SLC22A16: variants seen among roughly 807,000 people sequenced by gnomAD.
SLC22A16 encodes the protein WUGSC:RG331P03.1.
Under a neutral mutation model 52.9 loss-of-function variants are expected in SLC22A16, and 53 were observed. The ratio of observed to expected loss-of-function variants is 1.00; its 90% CI spans 0.80 to 1.26. The LOEUF is 1.26. Among genes scored for constraint, SLC22A16 ranks in the 50% most tolerant of loss-of-function variants. The pLI, the probability that SLC22A16 is intolerant of heterozygous loss-of-function variation, is 0.00. For synonymous variants in SLC22A16, 291 were observed against 268.8 expected, an observed-to-expected ratio of 1.08 and a Z score of -0.81; for missense variants, 726 against 704.0, an observed-to-expected ratio of 1.03 and a Z score of -0.35.
intron 1 of SLC22A16, among the ~76,000 whole-genome samples, chr6:110,473,656 C>G (rs542010050): frequency 3.3e-5 from 5 of 150,654 alleles, no homozygotes; most frequent in Non-Finnish European, 5.9e-5. Flanking sequence ...TCCCAAGTAG[C>G]TGGGACCACA....
rs375449435 is a variant in SLC22A16 at position 110,469,295 on chromosome 6, G to A, written c.53+7227C>T. Among the ~76,000 whole-genome samples the A allele has an allele frequency of 2.0e-5, 3 of 152,296 alleles. No individual in the cohort carries two copies. In the East Asian group the frequency reaches 5.8e-4, roughly 29 times the overall value. On this transcript the variant is annotated intron_variant, in intron 1 of 7. Coordinates refer to ENST00000368919, the MANE Select transcript of SLC22A16 (RefSeq NM_033125.4). Reference sequence around the variant, plus strand: ...TATAATCCCAGCACTTTGGGATGCTGAGGCGGATCACTTGAGGTCAGGAGT... The same window carrying A: ...TATAATCCCAGCACTTTGGGATGCTAAGGCGGATCACTTGAGGTCAGGAGT...
intron 1 of SLC22A16, among the ~76,000 whole-genome samples, chr6:110,474,298 A>T (rs1388241583): frequency 6.6e-6 from 1 of 152,098 alleles, no homozygotes; most frequent in East Asian, 1.9e-4. Flanking sequence ...CCCTGGTGCT[A>T]AAAAGGTTGG....
In SLC22A16 at chr6:110,456,792, A is replaced by G; in HGVS notation, c.279T>C (p.Gly93=). 1 of 1,614,208 alleles carries G rather than the reference A, an allele frequency of 6.2e-7. No individual in the cohort carries two copies. The highest frequency in any genetic ancestry group is 2.2e-5 in the East Asian group (1 of 44,884). The change falls in exon 2 of 8, where the codon GGT becomes GGC. Residue 93 remains glycine, a synonymous_variant. Transcript: ENST00000368919. ...TACACCTTGAGAGCTCCCAGATCTCACCATTCTGCAACTGCACCGTAACAT... is the reference window on the plus strand; with the variant it reads ...TACACCTTGAGAGCTCCCAGATCTCGCCATTCTGCAACTGCACCGTAACAT... ...KDYVTVQLQN[G]EIWELSRCSR...
chr6:110,475,074 A>G (rs945714901), intron 1 of SLC22A16: 3 of 478,738 alleles, frequency 6.3e-6, no homozygotes, highest in Non-Finnish European at 4.2e-6. Context: ...TCAAGACCGT[A>G]TAGTTAATGT....
At chr6:110,456,466 T>C in intron 2 of SLC22A16, 72 bp downstream of exon 2, 1 of 1,535,368 alleles carries the variant, frequency 6.5e-7, no homozygotes. Context: ...ACATAATTCC[T>C]TGTGTCCCAA....
At chr6:110,454,630 T>TATATTATATATTTTATATATAATATATA (rs1775523004) in intron 2 of SLC22A16, among the ~76,000 whole-genome samples, 1 of 47,402 alleles carries the variant, frequency 2.1e-5, no homozygotes, top group African/African-American at 1.2e-4. Context: ...TAATATATAT[T>TATATTATATATTTTATATATAATATATA]TATATATATT....
intron 1 of SLC22A16, among the ~76,000 whole-genome samples, chr6:110,465,538 T>C (rs1478157007): frequency 6.6e-6 from 1 of 152,014 alleles, no homozygotes; most frequent in Non-Finnish European, 1.5e-5. Flanking sequence ...TCCCATTTAT[T>C]ATAGCCACAC....
intron 7 of SLC22A16, among the ~76,000 whole-genome samples, chr6:110,428,725 G>C (rs1367453835): frequency 6.6e-6 from 1 of 152,216 alleles, no homozygotes; most frequent in Non-Finnish European, 1.5e-5. Flanking sequence ...AGACCAGCTT[G>C]GCCAACATAG....
At chr6:110,466,046 C>A (rs539621727) in intron 1 of SLC22A16, among the ~76,000 whole-genome samples, 8 of 152,266 alleles carry the variant, frequency 5.3e-5, no homozygotes, top group African/African-American at 1.9e-4. Flanking sequence ...AAAGGACTCT[C>A]TATTCAATAA....
intron 7 of SLC22A16, chr6:110,425,299 A>T (rs1308703643): frequency 6.7e-7 from 1 of 1,489,836 alleles, no homozygotes; most frequent in Non-Finnish European, 9.0e-7. Context: ...TCACTCATTC[A>T]TTCCTTCATG....
At chr6:110,474,991 A>T (rs1776409366) in intron 1 of SLC22A16, 1 of 518,882 alleles carries the variant, frequency 1.9e-6, no homozygotes, top group African/African-American at 1.9e-5. Context: ...ACACATTTTC[A>T]CTACTCCTAT....
intron 1 of SLC22A16, among the ~76,000 whole-genome samples, chr6:110,466,940 G>C (rs978014548): frequency 6.6e-6 from 1 of 151,890 alleles, no homozygotes; most frequent in Admixed American, 6.6e-5. Flanking sequence ...TAGATAGATA[G>C]ATAGATAGAT....
intron 5 of SLC22A16, 142 bp downstream of exon 5, chr6:110,438,578 A>G: frequency 3.7e-6 from 3 of 814,846 alleles, no homozygotes; most frequent in Non-Finnish European, 5.1e-6. Flanking sequence ...AGAATGTTTT[A>G]AAGAAAACAG....
chr6:110,426,607 A>G (rs139960190), intron 7 of SLC22A16, among the ~76,000 whole-genome samples: 1 of 152,126 alleles, frequency 6.6e-6, no homozygotes, highest in Non-Finnish European at 1.5e-5. Context: ...CTTCTCACAT[A>G]TTTTTGATCT....
intron 7 of SLC22A16, among the ~76,000 whole-genome samples, chr6:110,426,556 C>A (rs758617419): frequency 5.3e-5 from 8 of 152,182 alleles, no homozygotes; most frequent in Admixed American, 3.3e-4. Flanking sequence ...CTGCCTCTCA[C>A]CTCCTCCTCA....
chr6:110,429,695 A>C (rs1367834188), intron 7 of SLC22A16, among the ~76,000 whole-genome samples: 1 of 152,204 alleles, frequency 6.6e-6, no homozygotes, highest in African/African-American at 2.4e-5. Context: ...ATGAAGACAC[A>C]CGCACAAATA....
intron 7 of SLC22A16, among the ~76,000 whole-genome samples, chr6:110,426,348 C>T (rs1336770953): frequency 6.6e-6 from 1 of 152,118 alleles, no homozygotes; most frequent in Non-Finnish European, 1.5e-5. Flanking sequence ...TGGAATTTTT[C>T]TTCTTAGCTT....
chr6:110,462,046 G>T (rs1201573732), intron 1 of SLC22A16, among the ~76,000 whole-genome samples: 1 of 152,148 alleles, frequency 6.6e-6, no homozygotes, highest in African/African-American at 2.4e-5. Context: ...ATGGCAACAG[G>T]CAAAGAGAGA....
Position 110,472,972 on chromosome 6 carries a change from A to G in SLC22A16, c.53+3550T>C, listed in dbSNP as rs959176069. Among the ~76,000 whole-genome samples the G allele has an allele frequency of 2.6e-5, 4 of 152,164 alleles. No individual in the cohort carries two copies. The East Asian group carries it at 5.8e-4, about 22-fold the overall frequency. Reference sequence around the variant, plus strand: ...GGTGGAGTCCATCATGGCTAAGAGCATGGACTCTGGAGCCAGACTGCCAAG... The same window carrying G: ...GGTGGAGTCCATCATGGCTAAGAGCGTGGACTCTGGAGCCAGACTGCCAAG... On this transcript the variant is annotated intron_variant, in intron 1 of 7. Transcript: ENST00000368919.
Sources: gnomAD v4.1 joint callset for allele counts (sites outside exome capture counted in the v4.1 genomes callset) on GRCh38, gnomAD v4.1.1 for gene constraint, MANE v1.5 for transcripts, NCBI Gene and HGNC (gene_info 2026-07-23, HGNC 2026-07-21) for gene names.